TMEM132C: variants seen among roughly 807,000 people sequenced by gnomAD.
TMEM132C encodes the protein transmembrane protein 132C.
A neutral mutation model predicts 61.4 loss-of-function variants in TMEM132C; 29 were observed. The observed-to-expected ratio is 0.47, with a 90% CI of 0.35 to 0.64. The LOEUF (loss-of-function observed/expected upper bound fraction) is 0.64. TMEM132C is among the 30% of genes least tolerant of loss of function. TMEM132C has a pLI of 0.00. For synonymous variants in TMEM132C, 656 were observed against 633.1 expected, an observed-to-expected ratio of 1.04 and a Z score of -0.54; for missense variants, 1,408 against 1,476.9, an observed-to-expected ratio of 0.95 and a Z score of 0.76.
At chr12:128,375,089 G>A (rs1307982688) in intron 1 of TMEM132C, among the ~76,000 whole-genome samples, 1 of 151,934 alleles carries the variant, frequency 6.6e-6, no homozygotes, top group Non-Finnish European at 1.5e-5. Context: ...AGCGTCCGTG[G>A]CCCCTAGCCA....
At chr12:128,486,579 T>C (rs548165660) in intron 2 of TMEM132C, among the ~76,000 whole-genome samples, 2 of 152,188 alleles carry the variant, frequency 1.3e-5, no homozygotes, top group Non-Finnish European at 2.9e-5. Flanking sequence ...ACTTACTGCT[T>C]CTGGAGAAAT....
At chr12:128,446,387 G>A (rs1400654966) in intron 2 of TMEM132C, among the ~76,000 whole-genome samples, 1 of 152,210 alleles carries the variant, frequency 6.6e-6, no homozygotes, top group African/African-American at 2.4e-5. Flanking sequence ...ACAGAATGTA[G>A]GATGTCCCTG....
intron 2 of TMEM132C, among the ~76,000 whole-genome samples, chr12:128,530,604 C>T (rs1401425408): frequency 5.3e-5 from 8 of 152,126 alleles, no homozygotes; most frequent in Admixed American, 3.9e-4. Context: ...CCACCACGCC[C>T]ATCTAATTTT....
At chr12:128,472,739 C>T (rs1212828359) in intron 2 of TMEM132C, among the ~76,000 whole-genome samples, 2 of 152,138 alleles carry the variant, frequency 1.3e-5, no homozygotes, top group Non-Finnish European at 2.9e-5. Context: ...TCAGCTTCGG[C>T]CTGGATTTAT....
At chr12:128,608,812 G>GGA (rs1876515277) in intron 3 of TMEM132C, among the ~76,000 whole-genome samples, 1 of 152,116 alleles carries the variant, frequency 6.6e-6, no homozygotes, top group Non-Finnish European at 1.5e-5. Flanking sequence ...CAGCCAGGAT[G>GGA]GAGAGCCCCT....
At position 128,623,723 on chromosome 12, in the gene TMEM132C, A is replaced by G. The variant is rs185268212; in HGVS notation, c.1305+7388A>G. On this transcript the variant is annotated intron_variant, in intron 4 of 8. Coordinates refer to ENST00000435159, the MANE Select transcript of TMEM132C (RefSeq NM_001136103.3). Reference sequence around the variant, plus strand: ...CTCGGGAGGCTGAGACAGGAGAATCACTTGAACCTGGGAGGCAGAGGTTGC... The same window carrying G: ...CTCGGGAGGCTGAGACAGGAGAATCGCTTGAACCTGGGAGGCAGAGGTTGC... Among the ~76,000 whole-genome samples the G allele has an allele frequency of 6.6e-3, 1,009 of 152,014 alleles. 12 individuals are homozygous for G. Among genetic ancestry groups the G allele is most frequent in the African/African-American group, 0.023 (967 of 41,462 alleles).
At chr12:128,438,387 T>G (rs1282180665) in intron 2 of TMEM132C, among the ~76,000 whole-genome samples, 1 of 152,070 alleles carries the variant, frequency 6.6e-6, no homozygotes, top group Non-Finnish European at 1.5e-5. Flanking sequence ...CTCTCATGCT[T>G]CCTCTCTTGC....
intron 2 of TMEM132C, among the ~76,000 whole-genome samples, chr12:128,465,672 C>T (rs1021329777): frequency 6.6e-6 from 1 of 152,238 alleles, no homozygotes; most frequent in Non-Finnish European, 1.5e-5. Flanking sequence ...CCAGGCCTGC[C>T]CTCACGAGCA....
At chr12:128,469,368 C>T (rs1339759775) in intron 2 of TMEM132C, among the ~76,000 whole-genome samples, 5 of 148,874 alleles carry the variant, frequency 3.4e-5, no homozygotes, top group African/African-American at 1.2e-4. Context: ...ACTCTGTTGC[C>T]CAGGCTGGAG....
At position 128,669,540 on chromosome 12, in the gene TMEM132C, A is replaced by G. The variant is rs377355130; in HGVS notation, c.1429A>G (p.Thr477Ala). ...DISESVECKSTDEDVIKVSER... is the reference protein window; with the variant it reads ...DISESVECKSADEDVIKVSER... ...CTCAGAGTCGGTGGAGTGCAAGTCC[A>G]CAGACGAGGACGTTATCAAAGTAAG... is the stretch of plus-strand genomic sequence containing the variant. The change falls in exon 5 of 9, where the codon ACA becomes GCA. Residue 477 changes from threonine to alanine, a missense_variant. Transcript: ENST00000435159. 131 of 1,551,454 alleles carry G rather than the reference A, an allele frequency of 8.4e-5. No individual in the cohort carries two copies. Among genetic ancestry groups the G allele is most frequent in the Non-Finnish European group, 1.0e-4 (119 of 1,146,934 alleles).
At chr12:128,344,953 CT>C (rs1428703568) in intron 1 of TMEM132C, among the ~76,000 whole-genome samples, 4 of 136,668 alleles carry the variant, frequency 2.9e-5, no homozygotes, top group African/African-American at 1.1e-4. Flanking sequence ...AAATTTCCAG[CT>C]TTTATTTTAA....
intron 4 of TMEM132C, among the ~76,000 whole-genome samples, chr12:128,633,059 C>A: frequency 6.6e-6 from 1 of 152,118 alleles, no homozygotes; most frequent in East Asian, 1.9e-4. Context: ...TCATGAGTTG[C>A]AGGTATGAGA....
At chr12:128,432,164 G>A (rs536325797) in intron 2 of TMEM132C, among the ~76,000 whole-genome samples, 14 of 152,314 alleles carry the variant, frequency 9.2e-5, no homozygotes, top group Admixed American at 2.6e-4. Context: ...AGTTCTGATG[G>A]ATATGTGCAG....
chr12:128,335,314 C>T (rs1461690356), intron 1 of TMEM132C, among the ~76,000 whole-genome samples: 1 of 151,364 alleles, frequency 6.6e-6, no homozygotes, highest in Admixed American at 6.6e-5. Context: ...GCATCCTCAT[C>T]TTATCAACCT....
intron 1 of TMEM132C, among the ~76,000 whole-genome samples, chr12:128,353,306 G>C (rs1405749721): frequency 2.0e-5 from 3 of 152,190 alleles, no homozygotes; most frequent in Non-Finnish European, 2.9e-5. Flanking sequence ...GGAGGAGAAA[G>C]ACCAGAGATG....
intron 4 of TMEM132C, among the ~76,000 whole-genome samples, chr12:128,643,363 C>A (rs1400061630): frequency 6.6e-6 from 1 of 152,190 alleles, no homozygotes; most frequent in African/African-American, 2.4e-5. Context: ...TCTGGGCATA[C>A]CCATTTGATG....
In TMEM132C at chr12:128,697,236, C is replaced by T; in HGVS notation, c.1942C>T (p.Leu648=). ...GMTTIQVLSP[L]SDSILAEKTI... ...GCCAATCCCACAGGTGTTGTCTCCACTGTCTGACTCCATCCTGGCAGAGAA... is the reference window on the plus strand; with the variant it reads ...GCCAATCCCACAGGTGTTGTCTCCATTGTCTGACTCCATCCTGGCAGAGAA... The change falls in exon 8 of 9, where the codon CTG becomes TTG. Residue 648 remains leucine, a synonymous_variant. Transcript: ENST00000435159. The T allele has an allele frequency of 6.6e-7, 1 of 1,518,322 alleles. No individual in the cohort carries two copies. The allele number at this position is 1,518,322 out of a possible 1,614,324, so 94.1% of individuals were successfully genotyped here.
At chr12:128,297,461 G>T (rs2135915026) in intron 1 of TMEM132C, among the ~76,000 whole-genome samples, 1 of 152,270 alleles carries the variant, frequency 6.6e-6, no homozygotes, top group East Asian at 1.9e-4. Context: ...CATGGCTCCG[G>T]GTCTCTAATA....
rs146416045 is a variant in TMEM132C at position 128,595,621 on chromosome 12, G to C, written c.1122-20531G>C. ...TTGTAAGAGGCAGCAGGAGGCACGT[G>C]GGGGTGAGCCTGACCCAGTGAGACC... is the stretch of plus-strand genomic sequence containing the variant. On this transcript the variant is annotated intron_variant, in intron 3 of 8. Transcript: ENST00000435159. Among the ~76,000 whole-genome samples, 24 of 152,338 alleles carry C rather than the reference G, an allele frequency of 1.6e-4. No homozygotes were observed. In the East Asian group the frequency reaches 3.3e-3, roughly 21 times the overall value.
Sources: allele counts gnomAD v4.1 joint callset (sites outside exome capture counted in the v4.1 genomes callset), GRCh38; gene constraint gnomAD v4.1.1; transcripts MANE v1.5; gene names NCBI Gene and HGNC (gene_info 2026-07-23, HGNC 2026-07-21).